Variants in ADGRV1 observed in about 807,000 individuals in gnomAD.
ADGRV1 encodes G-protein coupled receptor 98.
A neutral mutation model predicts 596.2 loss-of-function variants in ADGRV1; 359 were observed. The observed-to-expected ratio is 0.60, with a 90% CI of 0.55 to 0.66. ADGRV1 has a LOEUF of 0.66. ADGRV1 is among the 30% of genes least tolerant of loss of function. The probability of loss-of-function intolerance (pLI) is 0.00; values close to 1 mark genes in which losing one functional copy is unlikely to be tolerated. For synonymous variants in ADGRV1, 2,681 were observed against 2,679.2 expected (o/e 1.00, Z -0.02); for missense variants, 7,274 against 7,575.6 (o/e 0.96, Z 1.48).
intron 87 of ADGRV1, among the ~76,000 whole-genome samples, chr5:91,103,598 C>G (rs1351067758): frequency 1.3e-5 from 2 of 151,790 alleles, no homozygotes; most frequent in African/African-American, 4.8e-5. Context: ...GGCAGACACA[C>G]AGTGTTATAT....
At position 90,644,005 on chromosome 5, in the gene ADGRV1, A is replaced by G. The variant is rs766278601; in HGVS notation, c.2734+22A>G. 1.2e-5 allele frequency: 17 copies of G among 1,438,004 alleles called. No individual in the cohort carries two copies. The Admixed American group carries it at 2.5e-4, about 21-fold the overall frequency. The allele number at this position is 1,438,004 out of a possible 1,614,324, so 89.1% of individuals were successfully genotyped here. ...AGTGGTAATTTATTCTGTGTCTTAT[A>G]TTGTATTTCTGTTTACTGAAGAAGA... is the stretch of plus-strand genomic sequence containing the variant. On this transcript the variant is annotated intron_variant, in intron 14 of 89. Coordinates refer to ENST00000405460, the MANE Select transcript of ADGRV1 (RefSeq NM_032119.4).
intron 84 of ADGRV1, among the ~76,000 whole-genome samples, chr5:90,981,616 C>T (rs755378846): frequency 5.3e-5 from 8 of 152,186 alleles, no homozygotes; most frequent in Non-Finnish European, 1.2e-4. Context: ...GATGGGATGA[C>T]ATCCTGTCCA....
chr5:91,084,799 A>G lies in ADGRV1; in HGVS notation c.18310+12195A>G, dbSNP rs527923611. ...GCACACATATGTTTATTGAGGCACTATTCACAATAGCAAAGACTTGGAACC... is the reference window on the plus strand; with the variant it reads ...GCACACATATGTTTATTGAGGCACTGTTCACAATAGCAAAGACTTGGAACC... On this transcript the variant is annotated intron_variant, in intron 86 of 89. Coordinates refer to ENST00000405460, the MANE Select transcript of ADGRV1 (RefSeq NM_032119.4). Among the ~76,000 whole-genome samples, 13 of 152,356 alleles carry G rather than the reference A, an allele frequency of 8.5e-5. No homozygotes were observed. The East Asian group carries it at 2.5e-3, about 29-fold the overall frequency.
intron 87 of ADGRV1, among the ~76,000 whole-genome samples, chr5:91,113,501 C>CA (rs1334063730): frequency 6.6e-6 from 1 of 152,148 alleles, no homozygotes; most frequent in Admixed American, 6.5e-5. Flanking sequence ...GTCCACAGCT[C>CA]AAAGATTACC....
chr5:90,971,402 A>G (rs1281641783), intron 84 of ADGRV1, among the ~76,000 whole-genome samples: 1 of 150,918 alleles, frequency 6.6e-6, no homozygotes, highest in Non-Finnish European at 1.5e-5. Flanking sequence ...TAATTGTCAG[A>G]TTCACCAAAG....
chr5:90,601,474 A>T (rs968029171), intron 1 of ADGRV1, among the ~76,000 whole-genome samples: 11 of 152,220 alleles, frequency 7.2e-5, no homozygotes, highest in African/African-American at 2.7e-4. Context: ...TATGAATCTT[A>T]AAAGAATACC....
Position 90,753,603 on chromosome 5 carries a change from A to G in ADGRV1, c.11151A>G (p.Ser3717=). ...TATTTACTGAAGGCCAGGTACTGTC[A>G]ACAATCACTCTAACTATTCTTGCTG... ...VILFTEGQVL[S]TITLTILADN... The change falls in exon 54 of 90, where the codon TCA becomes TCG. Residue 3717 remains serine (S), a synonymous_variant. Transcript: ENST00000405460. 6.2e-7 allele frequency: 1 copy of G among 1,611,618 alleles called. No homozygotes were observed. The highest frequency in any genetic ancestry group is 8.5e-7 in the Non-Finnish European group (1 of 1,177,874).
intron 85 of ADGRV1, among the ~76,000 whole-genome samples, chr5:91,014,174 A>ACC (rs1491364480): frequency 1.3e-5 from 2 of 150,114 alleles, no homozygotes; most frequent in South Asian, 2.1e-4. Flanking sequence ...ACACACACAC[A>ACC]CCCCTAGACA....
chr5:90,896,267 G>GGT (rs1554148542), intron 83 of ADGRV1, among the ~76,000 whole-genome samples: 1 of 84,858 alleles, frequency 1.2e-5, no homozygotes, highest in African/African-American at 4.8e-5. Flanking sequence ...GTGACCAGTG[G>GGT]TTTTTTTTTT....
rs1755838839 is a variant in ADGRV1, at chr5:90,567,786, T to C, written c.22+8869T>C. ...TCTTGGTCTGTTACCCCGGCGGGAG[T>C]GGGAGTGCAGTGGTGCGATCTTGTC... On this transcript the variant is annotated intron_variant, in intron 1 of 89. Transcript: ENST00000405460. 2.0e-5 allele frequency among the ~76,000 whole-genome samples: 3 copies of C among 150,760 alleles called. No homozygotes were observed. In the South Asian group the frequency reaches 6.3e-4, roughly 32 times the overall value.
chr5:90,911,630 C>G (rs1454661218), intron 83 of ADGRV1, among the ~76,000 whole-genome samples: 1 of 152,062 alleles, frequency 6.6e-6, no homozygotes, highest in Admixed American at 6.6e-5. Flanking sequence ...CTTGAAACTT[C>G]TCATTTTTCA....
At chr5:90,792,461 GTCT>G (rs1760190937) in intron 70 of ADGRV1, 1 of 152,182 alleles carries the variant, frequency 6.6e-6, no homozygotes, top group African/African-American at 2.4e-5. Flanking sequence ...AACAAATGGG[GTCT>G]TCTTAGTGAG....
At position 91,150,004 on chromosome 5, in the gene ADGRV1, CTTTTCTTT is replaced by C. The variant is rs1434898686; in HGVS notation, c.18433-21_18433-14del. On this transcript the variant is annotated intron_variant, in intron 87 of 89. Transcript: ENST00000405460. The stretch of plus-strand genomic sequence containing the variant: ...CTGATGTTCTTTTTCTTTTTCTTTT[CTTTTCTTT>C]TTTTTTTTTTTTTGCAGGGACTTTA... The C allele has an allele frequency of 1.1e-5, 16 of 1,392,952 alleles. No homozygotes were observed. Among genetic ancestry groups the C allele is most frequent in the Admixed American group, 3.2e-5 (1 of 31,446 alleles). 86.3% of individuals were successfully genotyped at this position (1,392,952 alleles called of 1,614,324 possible). A position where few individuals can be genotyped will look rare whatever the true frequency, so the allele number is the denominator to read the frequency against.
At chr5:90,591,207 C>T (rs542258904) in intron 1 of ADGRV1, among the ~76,000 whole-genome samples, 6 of 152,144 alleles carry the variant, frequency 3.9e-5, no homozygotes, top group African/African-American at 7.2e-5. Context: ...GCCTGAGCAA[C>T]GTGGTGAAAT....
At chr5:90,794,020 T>C (rs77395387) in intron 70 of ADGRV1, among the ~76,000 whole-genome samples, 10,040 of 152,170 alleles carry the variant, frequency 0.066, 709 homozygotes, top group East Asian at 0.28. Context: ...TTCAACGGTT[T>C]CTTTCTTCCC....
chr5:90,731,548 T>C (rs1752549606), intron 50 of ADGRV1, among the ~76,000 whole-genome samples: 1 of 152,134 alleles, frequency 6.6e-6, no homozygotes, highest in African/African-American at 2.4e-5. Flanking sequence ...AGGACACACT[T>C]TGGGCAGAGG....
chr5:91,151,214 A>G (rs1357799463), intron 88 of ADGRV1, among the ~76,000 whole-genome samples: 1 of 152,212 alleles, frequency 6.6e-6, no homozygotes, highest in African/African-American at 2.4e-5. Context: ...TTTGTCCTTC[A>G]TAGCAATATG....
rs769756389 is a variant in ADGRV1 at position 90,745,663 on chromosome 5, T to G, written c.10842T>G (p.Val3614=). The part of the protein sequence containing the change: ...TIAVNILDDT[V]PEKEESFKVQ... The stretch of plus-strand genomic sequence containing the variant: ...CAGTAAATATCCTTGATGATACAGT[T>G]CCAGAAAAAGAAGAATCCTTCAAAG... The change falls in exon 52 of 90, where the codon GTT becomes GTG. Residue 3614 remains valine, a synonymous_variant. Coordinates refer to ENST00000405460, the MANE Select transcript of ADGRV1 (RefSeq NM_032119.4). 6.2e-7 allele frequency: 1 copy of G among 1,612,744 alleles called. No homozygotes were observed. The highest frequency in any genetic ancestry group is 8.5e-7 in the Non-Finnish European group (1 of 1,179,098).
At chr5:90,683,540 G>A (rs964534508) in intron 27 of ADGRV1, 46 bp from the exon 28 acceptor site, 4 of 1,428,914 alleles carry the variant, frequency 2.8e-6, no homozygotes, top group Non-Finnish European at 3.8e-6. Context: ...TAAGTAACTG[G>A]CTTTAATCTC....
Sources: allele counts gnomAD v4.1 joint callset (sites outside exome capture counted in the v4.1 genomes callset), GRCh38; gene constraint gnomAD v4.1.1; transcripts MANE v1.5; gene names NCBI Gene and HGNC (gene_info 2026-07-23, HGNC 2026-07-21).